Variants in PCED1B observed in about 807,000 individuals in gnomAD.
The protein encoded by PCED1B is PC-esterase domain-containing protein 1B.
For synonymous variants in PCED1B, 251 were observed against 246.1 expected (o/e 1.02, Z -0.19); for missense variants, 573 against 573.9 (o/e 1.00, Z 0.02).
intron 3 of PCED1B, among the ~76,000 whole-genome samples, chr12:47,232,908 TA>T: frequency 1.3e-5 from 1 of 77,654 alleles, no homozygotes; most frequent in Non-Finnish European, 3.2e-5. Context: ...CTAGAAATTT[TA>T]TTTATTTATT....
chr12:47,171,601 T>C (rs544875665), intron 2 of PCED1B, among the ~76,000 whole-genome samples: 94 of 152,326 alleles, frequency 6.2e-4, no homozygotes, highest in Admixed American at 2.0e-3. Flanking sequence ...TTCCCTAAGA[T>C]GGAATAGGAG....
intron 2 of PCED1B, among the ~76,000 whole-genome samples, chr12:47,152,697 G>A (rs548165831): frequency 2.0e-5 from 3 of 152,274 alleles, no homozygotes; most frequent in South Asian, 4.1e-4. Context: ...TTGGGAGTCC[G>A]AGGCAGGTGG....
intron 2 of PCED1B, among the ~76,000 whole-genome samples, chr12:47,111,004 G>GA (rs1280392654): frequency 2.0e-5 from 3 of 152,204 alleles, no homozygotes; most frequent in African/African-American, 7.2e-5. Flanking sequence ...AAATCTCAAA[G>GA]AGAAATACAT....
intron 2 of PCED1B, among the ~76,000 whole-genome samples, chr12:47,189,377 C>T (rs1015183961): frequency 6.6e-6 from 1 of 152,160 alleles, no homozygotes; most frequent in Admixed American, 6.5e-5. Flanking sequence ...GTCTATTGTG[C>T]ATTCTTGTGC....
At chr12:47,215,747 A>T (rs888730729) in intron 2 of PCED1B, among the ~76,000 whole-genome samples, 1 of 152,058 alleles carries the variant, frequency 6.6e-6, no homozygotes, top group Non-Finnish European at 1.5e-5. Context: ...GGAGAGATGA[A>T]GTGAAAGGAT....
intron 2 of PCED1B, among the ~76,000 whole-genome samples, chr12:47,117,736 TG>T (rs1162529786): frequency 6.6e-6 from 1 of 152,232 alleles, no homozygotes; most frequent in Non-Finnish European, 1.5e-5. Flanking sequence ...CTGGGTCAAA[TG>T]GCATTTCTAG....
intron 2 of PCED1B, among the ~76,000 whole-genome samples, chr12:47,191,147 C>T (rs4768781): frequency 0.43 from 64,817 of 151,902 alleles, 16,814 homozygotes; most frequent in South Asian, 0.59. Flanking sequence ...GAACATCTTA[C>T]GATTTTTATA....
At chr12:47,207,273 T>A (rs1167478520) in intron 2 of PCED1B, among the ~76,000 whole-genome samples, 3 of 152,226 alleles carry the variant, frequency 2.0e-5, no homozygotes, top group Admixed American at 2.0e-4. Flanking sequence ...GCTAGAATAA[T>A]ATCAGTGTTG....
At position 47,229,401 on chromosome 12, in the gene PCED1B, C is replaced by A. The variant is rs780428946; in HGVS notation, c.-57-5606C>A. 3.7e-3 allele frequency among the ~76,000 whole-genome samples: 526 copies of A among 141,910 alleles called. 9 individuals carry two copies. The highest frequency in any genetic ancestry group is 5.2e-3 in the Non-Finnish European group (341 of 65,226). 93.1% of individuals were successfully genotyped at this position (141,910 alleles called of 152,430 possible). ...TGTACTTCAGCCTGGGCACCAAGAG[C>A]AAAACTGCTTCTCAAAAAAAAAAAA... On this transcript the variant is annotated intron_variant, in intron 3 of 3. Coordinates refer to ENST00000546455, the MANE Select transcript of PCED1B (RefSeq NM_138371.3).
At chr12:47,198,427 A>G (rs939397275) in intron 2 of PCED1B, among the ~76,000 whole-genome samples, 2 of 152,176 alleles carry the variant, frequency 1.3e-5, no homozygotes, top group African/African-American at 4.8e-5. Flanking sequence ...GATAACTGCA[A>G]AATAACTACA....
At chr12:47,220,329 A>C (rs1376941881) in intron 3 of PCED1B, among the ~76,000 whole-genome samples, 1 of 151,840 alleles carries the variant, frequency 6.6e-6, no homozygotes, top group African/African-American at 2.4e-5. Flanking sequence ...GTGCCATGAC[A>C]CCAGGCTAAT....
chr12:47,083,847 AAG>A (rs1195935289), intron 1 of PCED1B, among the ~76,000 whole-genome samples: 1 of 152,124 alleles, frequency 6.6e-6, no homozygotes, highest in Non-Finnish European at 1.5e-5. Context: ...GCTACTCTTT[AAG>A]CAGTCTCCAC....
chr12:47,163,609 G>GT (rs1430705720), intron 2 of PCED1B, among the ~76,000 whole-genome samples: 1 of 152,056 alleles, frequency 6.6e-6, no homozygotes, highest in Non-Finnish European at 1.5e-5. Context: ...TTGTTGACTT[G>GT]TTTTTTAATT....
Position 47,212,205 on chromosome 12 carries a change from G to T in PCED1B, c.-525-4017G>T, listed in dbSNP as rs1035750134. 2.6e-5 allele frequency among the ~76,000 whole-genome samples: 4 copies of T among 152,228 alleles called. No individual in the cohort carries two copies. The South Asian group carries it at 6.2e-4, about 24-fold the overall frequency. On this transcript the variant is annotated intron_variant, in intron 2 of 3. Transcript: ENST00000546455. ...TGAGGTGTGAGGATCACTTGAGCCC[G>T]GAGGTGGAGGTTTCAGTGAGCTGAG... is the stretch of plus-strand genomic sequence containing the variant.
At chr12:47,149,339 T>C (rs1169679910) in intron 2 of PCED1B, among the ~76,000 whole-genome samples, 1 of 152,206 alleles carries the variant, frequency 6.6e-6, no homozygotes, top group Non-Finnish European at 1.5e-5. Flanking sequence ...TCACCCCAAT[T>C]ATGGCTCCAT....
chr12:47,100,769 C>A lies in PCED1B; in HGVS notation c.-608-3344C>A, dbSNP rs566080173. On this transcript the variant is annotated intron_variant, in intron 1 of 3. Transcript: ENST00000546455. ...TCTTCACTTAGCCTTTAAGAGTTGA[C>A]TAAAAGTTATTTGATTGGCCAGGCA... is the stretch of plus-strand genomic sequence containing the variant. Among the ~76,000 whole-genome samples the A allele has an allele frequency of 3.9e-5, 6 of 152,246 alleles. No homozygotes were observed. In the East Asian group the frequency reaches 9.6e-4, roughly 24 times the overall value.
At chr12:47,147,561 AC>A in intron 2 of PCED1B, among the ~76,000 whole-genome samples, 1 of 152,138 alleles carries the variant, frequency 6.6e-6, no homozygotes, top group South Asian at 2.1e-4. Context: ...ATATCTATTT[AC>A]CATCCATATT....
chr12:47,127,905 T>A (rs1369815453), intron 2 of PCED1B, among the ~76,000 whole-genome samples: 8 of 152,188 alleles, frequency 5.3e-5, no homozygotes, highest in Non-Finnish European at 1.2e-4. Flanking sequence ...CTCACTGATT[T>A]CCTGTCTATA....
chr12:47,129,941 C>G (rs146511678), intron 2 of PCED1B, among the ~76,000 whole-genome samples: 50 of 152,342 alleles, frequency 3.3e-4, no homozygotes, highest in Non-Finnish European at 5.6e-4. Context: ...GGTTTTCAAA[C>G]TGTGCTTGGC....
Sources: allele counts gnomAD v4.1 joint callset (sites outside exome capture counted in the v4.1 genomes callset), GRCh38; gene constraint gnomAD v4.1.1; transcripts MANE v1.5; gene names NCBI Gene and HGNC (gene_info 2026-07-23, HGNC 2026-07-21).